Variants in SOX6 observed in about 807,000 individuals in gnomAD.
SOX6 encodes transcription factor SOX-6.
A neutral mutation model predicts 97.8 loss-of-function variants in SOX6; 11 were observed. That is an observed-to-expected ratio of 0.11 (90% CI 0.07 to 0.19). The LOEUF is 0.19. SOX6 is among the 10% of genes least tolerant of loss of function. The pLI, the probability that SOX6 is intolerant of heterozygous loss-of-function variation, is 1.00. For synonymous variants in SOX6, 360 were observed against 371.4 expected, an observed-to-expected ratio of 0.97 and a Z score of 0.35; for missense variants, 810 against 1,039.5, an observed-to-expected ratio of 0.78 and a Z score of 3.04.
chr11:16,158,041 T>C (rs1441323223), intron 6 of SOX6, among the ~76,000 whole-genome samples: 1 of 152,070 alleles, frequency 6.6e-6, no homozygotes, highest in Admixed American at 6.6e-5. Context: ...CTTCCAAAGA[T>C]AAGTAATTTA....
chr11:16,337,039 C>T (rs1856483580), intron 2 of SOX6, among the ~76,000 whole-genome samples: 2 of 152,114 alleles, frequency 1.3e-5, no homozygotes, highest in Admixed American at 1.3e-4. Flanking sequence ...TATAAGACTT[C>T]TTTATTGTCT....
At chr11:16,491,514 G>T (rs1860510486) in intron 4 of SOX6, among the ~76,000 whole-genome samples, 1 of 152,086 alleles carries the variant, frequency 6.6e-6, no homozygotes, top group East Asian at 1.9e-4. Flanking sequence ...GTGTGTGTGT[G>T]TGTGGTGTGC....
chr11:16,281,982 T>C (rs1270071207), intron 3 of SOX6, among the ~76,000 whole-genome samples: 3 of 14,078 alleles, frequency 2.1e-4, no homozygotes, highest in Non-Finnish European at 1.1e-3. Flanking sequence ...TATAAAATCA[T>C]GTATATATAT....
At chr11:16,072,114 T>C (rs1457800018) in intron 9 of SOX6, among the ~76,000 whole-genome samples, 1 of 152,066 alleles carries the variant, frequency 6.6e-6, no homozygotes, top group Non-Finnish European at 1.5e-5. Flanking sequence ...AAAACAGAAT[T>C]CATTTCTGAC....
At chr11:16,243,221 A>G (rs1197680944) in intron 3 of SOX6, among the ~76,000 whole-genome samples, 2 of 151,970 alleles carry the variant, frequency 1.3e-5, no homozygotes, top group Admixed American at 1.3e-4. Flanking sequence ...CTCATGTATT[A>G]ATCAACTAAT....
At chr11:16,471,940 T>C (rs1860148228) in intron 1 of SOX6, among the ~76,000 whole-genome samples, 1 of 152,180 alleles carries the variant, frequency 6.6e-6, no homozygotes, top group Non-Finnish European at 1.5e-5. Flanking sequence ...CCAGACAAAA[T>C]CTGACTAAAA....
chr11:16,175,832 C>A (rs1851167601), intron 6 of SOX6, among the ~76,000 whole-genome samples: 1 of 151,690 alleles, frequency 6.6e-6, no homozygotes, highest in African/African-American at 2.4e-5. Context: ...AAGACACAGA[C>A]CTTCTGATGT....
At chr11:16,334,720 G>A (rs1464566236) in intron 2 of SOX6, among the ~76,000 whole-genome samples, 9 of 152,020 alleles carry the variant, frequency 5.9e-5, no homozygotes, top group South Asian at 2.1e-4. Context: ...GAGCCACCAC[G>A]CCTAGCCTAA....
At chr11:16,710,324 A>T (rs1350590549) in intron 3 of SOX6, among the ~76,000 whole-genome samples, 1 of 152,220 alleles carries the variant, frequency 6.6e-6, no homozygotes, top group Non-Finnish European at 1.5e-5. Context: ...AATCCTTAGA[A>T]TAACCCCACG....
chr11:16,201,627 T>A (rs1565016365), intron 4 of SOX6, among the ~76,000 whole-genome samples: 2 of 146,328 alleles, frequency 1.4e-5, no homozygotes, highest in African/African-American at 2.5e-5. Context: ...AAAGTATTTT[T>A]TTTTTTTTCT....
intron 1 of SOX6, among the ~76,000 whole-genome samples, chr11:16,454,281 C>T (rs995328299): frequency 6.6e-6 from 1 of 151,984 alleles, no homozygotes; most frequent in African/African-American, 2.4e-5. Flanking sequence ...AGATAGTTAG[C>T]AGTTAAAAGC....
chr11:16,280,365 A>G (rs1350202681), intron 3 of SOX6, among the ~76,000 whole-genome samples: 1 of 117,774 alleles, frequency 8.5e-6, no homozygotes, highest in Non-Finnish European at 1.8e-5. Context: ...AAGTTATAAT[A>G]CTTTATTTGA....
intron 9 of SOX6, among the ~76,000 whole-genome samples, chr11:16,087,391 C>T (rs113963573): frequency 1.3e-5 from 2 of 152,184 alleles, no homozygotes; most frequent in East Asian, 1.9e-4. Flanking sequence ...TATGAGATTT[C>T]GGTAACTAGC....
intron 5 of SOX6, 116 bp from the exon 6 acceptor site, chr11:16,184,070 T>G: frequency 1.1e-6 from 1 of 938,696 alleles, no homozygotes; most frequent in South Asian, 1.4e-5. Context: ...GTGAAAGAGT[T>G]CCTATAAAAT....
intron 1 of SOX6, among the ~76,000 whole-genome samples, chr11:16,363,754 T>C (rs556113820): frequency 5.0e-4 from 76 of 152,204 alleles, no homozygotes; most frequent in African/African-American, 1.8e-3. Context: ...TAACACTTAG[T>C]TTTTCTCTAA....
chr11:16,468,209 GT>G (rs1860077871), intron 1 of SOX6, among the ~76,000 whole-genome samples: 1 of 152,000 alleles, frequency 6.6e-6, no homozygotes, highest in South Asian at 2.1e-4. Flanking sequence ...AATGTATCCA[GT>G]AAATTCAACT....
chr11:16,716,600 G>A (rs573236326), intron 2 of SOX6, among the ~76,000 whole-genome samples: 24 of 152,018 alleles, frequency 1.6e-4, no homozygotes, highest in Non-Finnish European at 3.1e-4. Flanking sequence ...ATCCCCAACA[G>A]TAACACATGC....
At chr11:16,641,129 C>T (rs574183813) in intron 3 of SOX6, among the ~76,000 whole-genome samples, 24 of 152,270 alleles carry the variant, frequency 1.6e-4, no homozygotes, top group African/African-American at 3.6e-4. Flanking sequence ...TTGTTGGTTT[C>T]GAAGAATATC....
intron 1 of SOX6, among the ~76,000 whole-genome samples, chr11:16,375,069 A>C (rs2134399669): frequency 6.6e-6 from 1 of 152,110 alleles, no homozygotes; most frequent in South Asian, 2.1e-4. Context: ...CTAACAAAAA[A>C]AAATTACTGC....
Sources: allele counts gnomAD v4.1 joint callset (sites outside exome capture counted in the v4.1 genomes callset), GRCh38; gene constraint gnomAD v4.1.1; transcripts MANE v1.5; gene names NCBI Gene and HGNC (gene_info 2026-07-23, HGNC 2026-07-21).